The following DNAJC5B variants were observed in gnomAD, a reference collection of about 807,000 sequenced individuals.
DNAJC5B encodes DnaJ heat shock protein family (Hsp40) member C5 beta, also known as dnaJ homolog subfamily C member 5B.
DNAJC5B carries 23 observed loss-of-function variants against 24.7 expected under a neutral mutation model. The ratio of observed to expected loss-of-function variants is 0.93; its 90% confidence interval spans 0.67 to 1.32. The LOEUF is 1.32. Among genes scored for constraint, DNAJC5B ranks in the 40% most tolerant of loss-of-function variants. The probability of loss-of-function intolerance (pLI) is 0.00; values close to 1 mark genes in which losing one functional copy is unlikely to be tolerated. For synonymous variants in DNAJC5B, 101 were observed against 90.1 expected (o/e 1.12, Z -0.68); for missense variants, 238 against 240.8 (o/e 0.99, Z 0.08).
intron 2 of DNAJC5B, among the ~76,000 whole-genome samples, chr8:66,044,015 G>A (rs1425568276): frequency 2.0e-5 from 3 of 151,968 alleles, no homozygotes; most frequent in Non-Finnish European, 4.4e-5. Flanking sequence ...TAGAGACAGG[G>A]TTTCACCATG....
chr8:66,089,676 G>A (rs1807804295), intron 5 of DNAJC5B, among the ~76,000 whole-genome samples: 2 of 152,142 alleles, frequency 1.3e-5, no homozygotes, highest in African/African-American at 4.8e-5. Flanking sequence ...AATAGTGGTG[G>A]TACAGGGTGG....
At chr8:66,080,040 G>T (rs994283652) in intron 4 of DNAJC5B, among the ~76,000 whole-genome samples, 1 of 151,986 alleles carries the variant, frequency 6.6e-6, no homozygotes, top group African/African-American at 2.4e-5. Context: ...AGGTTTTGTT[G>T]GTTGGTTTTT....
intron 3 of DNAJC5B, among the ~76,000 whole-genome samples, chr8:66,064,109 T>G (rs1014226843): frequency 1.3e-5 from 2 of 152,168 alleles, no homozygotes; most frequent in African/African-American, 4.8e-5. Context: ...TCAGCCTGTA[T>G]AGTTAAGGAA....
At chr8:66,022,189 G>A (rs1229735963) in intron 1 of DNAJC5B, among the ~76,000 whole-genome samples, 3 of 152,122 alleles carry the variant, frequency 2.0e-5, no homozygotes, top group Non-Finnish European at 2.9e-5. Context: ...AACATATACC[G>A]GACCCCCCAC....
intron 3 of DNAJC5B, among the ~76,000 whole-genome samples, chr8:66,061,603 G>C (rs1807081734): frequency 6.6e-6 from 1 of 150,590 alleles, no homozygotes; most frequent in South Asian, 2.1e-4. Context: ...GAGAGAGAGA[G>C]AGAGAGAGTG....
At chr8:66,048,180 C>T (rs768517401) in intron 2 of DNAJC5B, among the ~76,000 whole-genome samples, 1 of 152,182 alleles carries the variant, frequency 6.6e-6, no homozygotes, top group Non-Finnish European at 1.5e-5. Context: ...TTGCTGGTAC[C>T]CTTTCCTACA....
At chr8:66,023,341 G>C (rs1426717169) in intron 1 of DNAJC5B, among the ~76,000 whole-genome samples, 1 of 152,084 alleles carries the variant, frequency 6.6e-6, no homozygotes, top group African/African-American at 2.4e-5. Context: ...GTGGTTATTG[G>C]TAAAAGCAGA....
rs577497327 is a variant in DNAJC5B at position 66,042,335 on chromosome 8, T to C, written c.-141-1153T>C. Among the ~76,000 whole-genome samples, 21 of 152,348 alleles carry C rather than the reference T, an allele frequency of 1.4e-4. No homozygotes were observed. The South Asian group carries it at 4.3e-3, about 32-fold the overall frequency. On this transcript the variant is annotated intron_variant, in intron 1 of 5. Coordinates refer to ENST00000276570, the MANE Select transcript of DNAJC5B (RefSeq NM_033105.6). ...GCACTACTTAACTTTTTGAAACTAA[T>C]GTTCTATGTAATACTTTAAAGATTA...
intron 3 of DNAJC5B, 152 bp downstream of exon 3, chr8:66,051,818 T>G: frequency 1.6e-6 from 1 of 640,352 alleles, no homozygotes; most frequent in Non-Finnish European, 2.7e-6. Context: ...GAGTTAGGAA[T>G]GGAAAGGCAT....
chr8:66,063,403 G>A (rs1807125109), intron 3 of DNAJC5B, among the ~76,000 whole-genome samples: 1 of 152,210 alleles, frequency 6.6e-6, no homozygotes, highest in South Asian at 2.1e-4. Context: ...GGAATGCATA[G>A]TTAATAGAAG....
At chr8:66,023,526 A>G (rs530465134) in intron 1 of DNAJC5B, among the ~76,000 whole-genome samples, 7 of 152,340 alleles carry the variant, frequency 4.6e-5, no homozygotes, top group African/African-American at 1.4e-4. Context: ...TTAAAAAAAC[A>G]TGTATACAAT....
intron 3 of DNAJC5B, among the ~76,000 whole-genome samples, chr8:66,064,828 G>A (rs1024380988): frequency 6.6e-6 from 1 of 152,238 alleles, no homozygotes; most frequent in African/African-American, 2.4e-5. Context: ...TATGATTGGT[G>A]TTGGACATGT....
intron 3 of DNAJC5B, among the ~76,000 whole-genome samples, chr8:66,061,648 G>A (rs984373777): frequency 7.3e-5 from 11 of 151,556 alleles, no homozygotes; most frequent in African/African-American, 2.7e-4. Context: ...CGTGTATAAG[G>A]GGTACTTAGA....
the DNAJC5B span, among the ~76,000 whole-genome samples, chr8:66,015,027 C>T: frequency 6.6e-6 from 1 of 152,274 alleles, no homozygotes; most frequent in Non-Finnish European, 1.5e-5. Flanking sequence ...GGAGAGGACA[C>T]TTCCAAACGC....
chr8:66,097,202 C>CT (rs201374510), intron 5 of DNAJC5B, among the ~76,000 whole-genome samples: 206 of 139,274 alleles, frequency 1.5e-3, no homozygotes, highest in Middle Eastern at 7.6e-3. Flanking sequence ...TTTCCTGTTT[C>CT]TTTTTTTTTT....
intron 2 of DNAJC5B, among the ~76,000 whole-genome samples, chr8:66,048,176 G>A (rs919973148): frequency 1.3e-5 from 2 of 152,076 alleles, no homozygotes; most frequent in African/African-American, 4.8e-5. Flanking sequence ...CCCCTTGCTG[G>A]TACCCTTTCC....
At chr8:66,053,876 G>C (rs1484770191) in intron 3 of DNAJC5B, among the ~76,000 whole-genome samples, 7 of 150,638 alleles carry the variant, frequency 4.6e-5, no homozygotes, top group Admixed American at 6.6e-5. Context: ...TGATCCTTCC[G>C]CCTCAGCCTC....
At chr8:66,053,330 C>T (rs554914766) in intron 3 of DNAJC5B, among the ~76,000 whole-genome samples, 1 of 152,200 alleles carries the variant, frequency 6.6e-6, no homozygotes, top group African/African-American at 2.4e-5. Flanking sequence ...CCAGGAAGGA[C>T]ATGGTGATAA....
intron 3 of DNAJC5B, among the ~76,000 whole-genome samples, chr8:66,071,659 A>C (rs1046047489): frequency 1.3e-5 from 2 of 152,226 alleles, no homozygotes; most frequent in Non-Finnish European, 1.5e-5. Flanking sequence ...TCAAGGATCT[A>C]GAACTAGAAA....
Sources: allele counts gnomAD v4.1 joint callset (sites outside exome capture counted in the v4.1 genomes callset), GRCh38; gene constraint gnomAD v4.1.1; transcripts MANE v1.5; gene names NCBI Gene and HGNC (gene_info 2026-07-23, HGNC 2026-07-21).